Variants in SLC38A6 observed in about 807,000 individuals in gnomAD.
SLC38A6 encodes solute carrier family 38 member 6.
A neutral mutation model predicts 65.0 loss-of-function variants in SLC38A6; 73 were observed. That is an observed-to-expected ratio of 1.12 (90% CI 0.93 to 1.37). The LOEUF is 1.37. SLC38A6 is among the 40% of genes most tolerant of loss of function. The pLI, the probability that SLC38A6 is intolerant of heterozygous loss-of-function variation, is 0.00. For missense variants in SLC38A6, 561 were observed against 531.1 expected, an observed-to-expected ratio of 1.06 and a Z score of -0.55; for synonymous variants, 183 against 178.8, an observed-to-expected ratio of 1.02 and a Z score of -0.19.
chr14:61,032,280 G>A (rs536174434), intron 6 of SLC38A6, among the ~76,000 whole-genome samples: 7 of 151,290 alleles, frequency 4.6e-5, no homozygotes, highest in Non-Finnish European at 8.9e-5. Context: ...GTCATATGTC[G>A]GTGGAAAGAG....
At chr14:61,029,611 CT>C (rs1306196198) in intron 5 of SLC38A6, among the ~76,000 whole-genome samples, 4 of 152,096 alleles carry the variant, frequency 2.6e-5, no homozygotes, top group African/African-American at 9.7e-5. Flanking sequence ...CATATTAAAA[CT>C]TTTCCTAGTA....
chr14:61,061,400 T>TC (rs2042836614), intron 15 of SLC38A6, among the ~76,000 whole-genome samples: 1 of 152,182 alleles, frequency 6.6e-6, no homozygotes. Flanking sequence ...GTTTTCTTTT[T>TC]TTATTGTGTC....
In SLC38A6 at chr14:61,037,006, G is replaced by C. The variant is rs1594688031; in HGVS notation, c.483-53G>C. On this transcript the variant is annotated intron_variant, in intron 6 of 15. Transcript: ENST00000267488. ...TGTGTGTGTGTGTGTGTGTGTGTGT[G>C]TCAGAACAAACACTGGAGTCCCATG... 8.8e-6 allele frequency: 8 copies of C among 906,726 alleles called. No homozygotes were observed. In the South Asian group the frequency reaches 1.1e-4, roughly 12 times the overall value. The allele number at this position is 906,726 out of a possible 1,614,324, so 56.2% of individuals were successfully genotyped here. A position where few individuals can be genotyped will look rare whatever the true frequency, so the allele number is the denominator to read the frequency against.
At position 61,045,248 on chromosome 14, in the gene SLC38A6, C is replaced by A. The variant is rs2042065188; in HGVS notation, c.745-98C>A. The A allele has an allele frequency of 4.0e-6, 3 of 753,312 alleles. No individual in the cohort carries two copies. In the South Asian group the frequency reaches 5.2e-5, roughly 13 times the overall value. 46.7% of individuals were successfully genotyped at this position (753,312 alleles called of 1,614,324 possible). On this transcript the variant is annotated intron_variant, in intron 10 of 15. Coordinates refer to ENST00000267488, the MANE Select transcript of SLC38A6 (RefSeq NM_153811.3). ...TCATTAAAGATGAAATAAATGTAAT[C>A]AAATTGATTTTTTAAAGAACTGAGT...
At chr14:61,028,611 G>C (rs1409658316) in intron 5 of SLC38A6, among the ~76,000 whole-genome samples, 1 of 152,054 alleles carries the variant, frequency 6.6e-6, no homozygotes, top group Non-Finnish European at 1.5e-5. Context: ...CATACAATCA[G>C]TTGTAATACC....
chr14:60,996,471 AAAGAT>A (rs999935462), intron 3 of SLC38A6, among the ~76,000 whole-genome samples: 1 of 152,100 alleles, frequency 6.6e-6, no homozygotes, highest in African/African-American at 2.4e-5. Flanking sequence ...ATGGGAGAGA[AAAGAT>A]AAGAAAATTA....
At chr14:61,081,663 G>A (rs986215856) in intron 16 of SLC38A6, among the ~76,000 whole-genome samples, 7 of 152,166 alleles carry the variant, frequency 4.6e-5, no homozygotes, top group South Asian at 2.1e-4. Flanking sequence ...CAGCCTGGGC[G>A]ACAGAGCGAG....
At chr14:61,075,419 C>T (rs1458054586) in intron 15 of SLC38A6, among the ~76,000 whole-genome samples, 1 of 152,190 alleles carries the variant, frequency 6.6e-6, no homozygotes, top group Non-Finnish European at 1.5e-5. Context: ...CACTTGCTTC[C>T]TCCCAGAGTC....
At chr14:61,023,600 TACACAC>T (rs36081997) in intron 5 of SLC38A6, among the ~76,000 whole-genome samples, 2 of 146,828 alleles carry the variant, frequency 1.4e-5, no homozygotes, top group Non-Finnish European at 1.5e-5. Context: ...TATATATATA[TACACAC>T]ACACACACAC....
chr14:61,003,165 A>G (rs762784681), intron 3 of SLC38A6, among the ~76,000 whole-genome samples: 2 of 152,130 alleles, frequency 1.3e-5, no homozygotes, highest in African/African-American at 4.8e-5. Flanking sequence ...TTTAAAAATA[A>G]AATTCTACCA....
Position 61,057,667 on chromosome 14 carries a change from A to G in SLC38A6, c.1290+5532A>G, listed in dbSNP as rs1244525594. On this transcript the variant is annotated intron_variant, in intron 15 of 16. Coordinates refer to the SLC38A6 transcript ENST00000354886. Reference sequence around the variant, plus strand: ...GTTAGGGAGGATTCCCTCTTTTTCTATTGATTGGAATAGTTTCAGAAGGAA... The same window carrying G: ...GTTAGGGAGGATTCCCTCTTTTTCTGTTGATTGGAATAGTTTCAGAAGGAA... Among the ~76,000 whole-genome samples, 3 of 11,390 alleles carry G rather than the reference A, an allele frequency of 2.6e-4. 1 individual carries two copies. Among genetic ancestry groups the G allele is most frequent in the African/African-American group, 5.6e-4 (3 of 5,402 alleles). 7.5% of individuals were successfully genotyped at this position (11,390 alleles called of 152,430 possible).
At chr14:61,001,453 C>T (rs529018905) in intron 3 of SLC38A6, among the ~76,000 whole-genome samples, 2 of 152,156 alleles carry the variant, frequency 1.3e-5, no homozygotes, top group Non-Finnish European at 2.9e-5. Context: ...TGAATCTCTG[C>T]AGGGTTAAAC....
chr14:60,996,898 T>C (rs1176706157), intron 3 of SLC38A6, among the ~76,000 whole-genome samples: 1 of 152,240 alleles, frequency 6.6e-6, no homozygotes, highest in African/African-American at 2.4e-5. Context: ...CTAGCCAAAC[T>C]GTTGCTTAAG....
chr14:61,033,022 T>G (rs1467147880), intron 6 of SLC38A6, among the ~76,000 whole-genome samples: 1 of 151,974 alleles, frequency 6.6e-6, no homozygotes, highest in Non-Finnish European at 1.5e-5. Flanking sequence ...ATACTTATAC[T>G]GAACTTTCAT....
At chr14:61,010,950 T>C (rs2039514772) in intron 3 of SLC38A6, among the ~76,000 whole-genome samples, 2 of 152,198 alleles carry the variant, frequency 1.3e-5, no homozygotes, top group Admixed American at 1.3e-4. Flanking sequence ...GGGGATGGCA[T>C]TGAATCTATA....
At position 61,078,809 on chromosome 14, in the gene SLC38A6, G is replaced by A. The variant is rs1367364584; in HGVS notation, c.1291-1G>A. The stretch of plus-strand genomic sequence containing the variant: ...TTATTTATTTATTTATTTTGAGACA[G>A]GGTCTCATTCTGTCGCACAGGTTGG... On this transcript the variant is annotated splice_acceptor_variant, in intron 15 of 16. Coordinates refer to the SLC38A6 transcript ENST00000354886. LOFTEE classifies it high-confidence loss of function. The A allele has an allele frequency of 5.0e-6, 1 of 201,870 alleles. No homozygotes were observed. The highest frequency in any genetic ancestry group is 9.7e-6 in the Non-Finnish European group (1 of 103,338). 12.5% of individuals were successfully genotyped at this position (201,870 alleles called of 1,614,324 possible).
intron 3 of SLC38A6, among the ~76,000 whole-genome samples, chr14:61,003,048 C>A (rs913094028): frequency 6.6e-6 from 1 of 151,922 alleles, no homozygotes; most frequent in Non-Finnish European, 1.5e-5. Context: ...TGTTAGTAGA[C>A]CAAGTAGTAC....
intron 3 of SLC38A6, among the ~76,000 whole-genome samples, chr14:60,993,205 T>G (rs2038041611): frequency 6.6e-6 from 1 of 152,180 alleles, no homozygotes; most frequent in Non-Finnish European, 1.5e-5. Flanking sequence ...TTTGCATGTA[T>G]TATTCTCACA....
chr14:61,077,436 A>T (rs1381902430), intron 15 of SLC38A6, among the ~76,000 whole-genome samples: 2 of 152,200 alleles, frequency 1.3e-5, no homozygotes, highest in East Asian at 3.8e-4. Context: ...AAAATATCTA[A>T]ATAAGTTCTG....
Sources: gnomAD v4.1 joint callset for allele counts (sites outside exome capture counted in the v4.1 genomes callset) on GRCh38, gnomAD v4.1.1 for gene constraint, MANE v1.5 for transcripts, NCBI Gene and HGNC (gene_info 2026-07-23, HGNC 2026-07-21) for gene names.